The following HAAO variants were observed in gnomAD, a reference collection of about 807,000 sequenced individuals.
The protein encoded by HAAO is 3-hydroxyanthranilate oxygenase.
Under a neutral mutation model 46.2 loss-of-function variants are expected in HAAO, and 49 were observed. The observed-to-expected ratio is 1.06, with a 90% CI of 0.84 to 1.34. The LOEUF (loss-of-function observed/expected upper bound fraction) is 1.34. Ranked by LOEUF, HAAO falls within the 40% of genes most tolerant of loss-of-function variation. HAAO has a pLI of 0.00. For synonymous variants in HAAO, 157 were observed against 145.2 expected (o/e 1.08, Z -0.58); for missense variants, 408 against 364.5 (o/e 1.12, Z -0.97).
intron 2 of HAAO, among the ~76,000 whole-genome samples, chr2:42,785,348 G>A (rs748902815): frequency 3.8e-4 from 58 of 152,264 alleles, no homozygotes; most frequent in Admixed American, 1.1e-3. Flanking sequence ...TAAAAACTAC[G>A]TTTTTGAATA....
intron 1 of HAAO, 34 bp from the exon 2 acceptor site, chr2:42,788,641 C>T: frequency 6.2e-6 from 8 of 1,293,646 alleles, no homozygotes; most frequent in Non-Finnish European, 9.0e-6. Flanking sequence ...ACGTTCTAAA[C>T]CATCTCCTAG....
intron 4 of HAAO, chr2:42,783,086 A>T: frequency 1.7e-6 from 1 of 572,386 alleles, no homozygotes; most frequent in Non-Finnish European, 3.1e-6. Flanking sequence ...CATCAGGCTG[A>T]GTGAGCTTCC....
intron 4 of HAAO, 96 bp downstream of exon 4, chr2:42,783,218 T>G: frequency 1.4e-6 from 1 of 728,806 alleles, no homozygotes. Context: ...GGACGTGCTT[T>G]CTTGAGTCTA....
intron 4 of HAAO, among the ~76,000 whole-genome samples, chr2:42,777,303 C>CAAAAAAAAAAAAAAAAAAAAAAA (rs1215772853): frequency 2.5e-4 from 10 of 40,190 alleles, no homozygotes; most frequent in Middle Eastern, 0.014. Context: ...ACTCTTATCG[C>CAAAAAAAAAAAAAAAAAAAAAAA]AAAAAAAAAA....
intron 4 of HAAO, among the ~76,000 whole-genome samples, chr2:42,775,469 G>T (rs1486906292): frequency 1.3e-5 from 2 of 151,976 alleles, no homozygotes; most frequent in Non-Finnish European, 2.9e-5. Flanking sequence ...GATTTAAAAA[G>T]ATTTTTTTAA....
chr2:42,772,702 T>G (rs1032514252), intron 4 of HAAO, among the ~76,000 whole-genome samples: 7 of 152,160 alleles, frequency 4.6e-5, no homozygotes, highest in African/African-American at 1.7e-4. Context: ...TTTTGTTCAC[T>G]TTGCATTCCT....
intron 5 of HAAO, 85 bp from the exon 6 acceptor site, chr2:42,770,271 T>A: frequency 3.3e-6 from 4 of 1,194,408 alleles, no homozygotes; most frequent in Non-Finnish European, 4.9e-6. Context: ...ACACTCACGG[T>A]CAGGTGCAGG....
intron 4 of HAAO, 151 bp downstream of exon 4, chr2:42,783,163 C>G (rs74945655): frequency 1.5e-5 from 9 of 603,722 alleles, no homozygotes; most frequent in Middle Eastern, 3.1e-4. Flanking sequence ...AAGACAGGAT[C>G]TCCACTGCCT....
Position 42,770,547 on chromosome 2 carries a change from T to C in HAAO, c.386A>G (p.Glu129Gly). 1 of 1,553,284 alleles carries C rather than the reference T, an allele frequency of 6.4e-7. No individual in the cohort carries two copies. The highest frequency in any genetic ancestry group is 8.7e-7 in the Non-Finnish European group (1 of 1,147,820). The change falls in exon 5 of 10, where the codon GAG (glutamate) becomes GGG (glycine). Residue 129 changes from glutamate to glycine, a missense_variant. By Grantham distance (98) the Glu-to-Gly change is moderately conservative. Transcript: ENST00000294973. Reference protein sequence around the residue: ...YVGDTMDVLFEKWFYCKDLGT... With the variant: ...YVGDTMDVLFGKWFYCKDLGT... ...GAGGTCCTTGCAGTAGAACCACTTC[T>C]CAAACAGAACGTCCATGGTGTCGCC...
intron 1 of HAAO, among the ~76,000 whole-genome samples, chr2:42,790,439 C>T (rs1044016514): frequency 6.6e-6 from 1 of 151,544 alleles, no homozygotes; most frequent in African/African-American, 2.4e-5. Context: ...TGGGGGTGAG[C>T]TTGGGGAACG....
intron 6 of HAAO, 112 bp from the exon 7 acceptor site, chr2:42,769,970 C>T: frequency 8.0e-7 from 1 of 1,251,998 alleles, no homozygotes; most frequent in Non-Finnish European, 1.1e-6. Context: ...GGCTCTGTAT[C>T]CAGCTCAATG....
intron 4 of HAAO, among the ~76,000 whole-genome samples, chr2:42,780,016 T>C (rs1407774478): frequency 6.6e-6 from 1 of 152,132 alleles, no homozygotes; most frequent in Non-Finnish European, 1.5e-5. Flanking sequence ...TAAAACTTAG[T>C]GTACATCATC....
chr2:42,777,304 A>AG (rs1671655298), intron 4 of HAAO, among the ~76,000 whole-genome samples: 2 of 90,574 alleles, frequency 2.2e-5, no homozygotes, highest in South Asian at 7.9e-4. Flanking sequence ...CTCTTATCGC[A>AG]AAAAAAAAAA....
intron 4 of HAAO, among the ~76,000 whole-genome samples, chr2:42,773,039 T>G (rs1375764129): frequency 6.6e-6 from 1 of 151,052 alleles, no homozygotes; most frequent in African/African-American, 2.4e-5. Flanking sequence ...AAGAATTGGG[T>G]GACTGATCAG....
intron 2 of HAAO, among the ~76,000 whole-genome samples, chr2:42,786,907 C>T (rs1449025192): frequency 6.6e-6 from 1 of 152,118 alleles, no homozygotes; most frequent in Non-Finnish European, 1.5e-5. Context: ...GAGCCCGGAC[C>T]CTGAGTTACG....
At chr2:42,773,743 C>T (rs928007883) in intron 4 of HAAO, among the ~76,000 whole-genome samples, 7 of 152,152 alleles carry the variant, frequency 4.6e-5, no homozygotes, top group Admixed American at 1.3e-4. Context: ...CCCGCCACCA[C>T]GCCCGACTAA....
intron 5 of HAAO, 25 bp from the exon 6 acceptor site, chr2:42,770,211 AGGAGTGGCGAGCACTCCCATC>A (rs754038457): frequency 6.3e-7 from 1 of 1,583,884 alleles, no homozygotes; most frequent in South Asian, 1.1e-5. Flanking sequence ...AGGGAGGAGC[AGGAGTGGCGAGCACTCCCATC>A]GGAGTGGCCA....
rs1368722865 is a variant in HAAO, at chr2:42,770,293, A to G, written c.441-107T>C. On this transcript the variant is annotated intron_variant, in intron 5 of 9. Transcript: ENST00000294973. ...CGGTCAGGTGCAGGTGCCCACACAC[A>G]CTCATGGGGCTCTCACACAGCTGTG... 4.1e-6 allele frequency: 4 copies of G among 971,104 alleles called. No homozygotes were observed. The African/African-American group carries it at 4.9e-5, about 12-fold the overall frequency. 60.2% of individuals were successfully genotyped at this position (971,104 alleles called of 1,614,324 possible). A position where few individuals can be genotyped will look rare whatever the true frequency, so the allele number is the denominator to read the frequency against.
chr2:42,772,945 A>C (rs1473826327), intron 4 of HAAO, among the ~76,000 whole-genome samples: 15 of 151,922 alleles, frequency 9.9e-5, no homozygotes, highest in Admixed American at 9.8e-4. Context: ...AAAAAAAAAA[A>C]AAAAAAAAAC....
Sources: allele counts gnomAD v4.1 joint callset (sites outside exome capture counted in the v4.1 genomes callset), GRCh38; gene constraint gnomAD v4.1.1; transcripts MANE v1.5; gene names NCBI Gene and HGNC (gene_info 2026-07-23, HGNC 2026-07-21).